LRBA: variants seen among roughly 807,000 people sequenced by gnomAD.
LRBA encodes LPS responsive beige-like anchor protein.
LRBA carries 176 observed loss-of-function variants against 330.0 expected under a neutral mutation model. The ratio of observed to expected loss-of-function variants is 0.53; its 90% CI spans 0.47 to 0.60. The LOEUF is 0.60. LRBA is among the 20% of genes least tolerant of loss of function. The pLI is 0.00. For missense variants in LRBA, 3,259 were observed against 3,444.8 expected, an observed-to-expected ratio of 0.95 and a Z score of 1.35; for synonymous variants, 1,230 against 1,193.0, an observed-to-expected ratio of 1.03 and a Z score of -0.64.
intron 29 of LRBA, among the ~76,000 whole-genome samples, chr4:150,830,326 ATTTCTGATCTACCTTGC>A (rs1352556335): frequency 1.2e-4 from 18 of 152,296 alleles, no homozygotes; most frequent in African/African-American, 4.3e-4. Context: ...AGTGTGGCTT[ATTTCTGATCTACCTTGC>A]TGGAAAGAAC....
chr4:150,901,306 A>T lies in LRBA; in HGVS notation c.1756-1089T>A, dbSNP rs567528223. ...AGAGACCCTGCCTCAAAAAAAACAAATTTTTTTTCAGTGAAATTATGGGTC... is the reference window on the plus strand; with the variant it reads ...AGAGACCCTGCCTCAAAAAAAACAATTTTTTTTTCAGTGAAATTATGGGTC... On this transcript the variant is annotated intron_variant, in intron 13 of 56. Coordinates refer to ENST00000651943, the MANE Select transcript of LRBA (RefSeq NM_001364905.1). Among the ~76,000 whole-genome samples the T allele has an allele frequency of 1.2e-3, 185 of 151,878 alleles. 3 individuals carry two copies. Among genetic ancestry groups the T allele is most frequent in the African/African-American group, 4.2e-3 (174 of 41,340 alleles).
chr4:150,517,147 ACACT>A (rs1371398951), intron 40 of LRBA, among the ~76,000 whole-genome samples: 4 of 152,174 alleles, frequency 2.6e-5, no homozygotes, highest in African/African-American at 9.7e-5. Flanking sequence ...TAAATCAATG[ACACT>A]CACTCCCTAC....
At chr4:150,589,020 C>A (rs1287349640) in intron 39 of LRBA, among the ~76,000 whole-genome samples, 1 of 148,148 alleles carries the variant, frequency 6.8e-6, no homozygotes. Context: ...ATATATATGT[C>A]TGTTATGTCT....
chr4:150,813,218 A>G (rs1744046161), intron 31 of LRBA, among the ~76,000 whole-genome samples: 1 of 151,758 alleles, frequency 6.6e-6, no homozygotes, highest in Non-Finnish European at 1.5e-5. Context: ...AGGATACTGT[A>G]TTCTAGGTAA....
chr4:150,724,145 G>C (rs952098699), intron 36 of LRBA, among the ~76,000 whole-genome samples: 2 of 152,176 alleles, frequency 1.3e-5, no homozygotes, highest in Admixed American at 1.3e-4. Flanking sequence ...GCCCTGAAGG[G>C]AAGAAACTGG....
chr4:150,546,418 C>CA (rs1415839980), intron 40 of LRBA, among the ~76,000 whole-genome samples: 10 of 152,226 alleles, frequency 6.6e-5, no homozygotes, highest in Non-Finnish European at 1.2e-4. Flanking sequence ...CTCCACTCTG[C>CA]AAAGCCCTTT....
chr4:150,576,163 T>TAAA (rs776085076), intron 40 of LRBA, among the ~76,000 whole-genome samples: 8 of 58,294 alleles, frequency 1.4e-4, no homozygotes, highest in African/African-American at 3.2e-4. Context: ...AAACTGGTTT[T>TAAA]TAAAAAAAAA....
chr4:150,681,996 A>G (rs1275068914), intron 37 of LRBA, among the ~76,000 whole-genome samples: 5 of 152,220 alleles, frequency 3.3e-5, no homozygotes, highest in Non-Finnish European at 5.9e-5. Context: ...ATACAAAGGT[A>G]CAGCTATCAA....
In LRBA at chr4:150,928,564, G is replaced by A. The variant is rs763929621; in HGVS notation, c.501C>T (p.Arg167=). The stretch of plus-strand genomic sequence containing the variant: ...GTTTACTGAAGAAAAGCTTTAGCTC[G>A]CGAACTGTCAAATTATAGCTAGCCA... ...GVLASYNLTV[R]ELKLFFSKLQ... The change falls in exon 4 of 57, where the codon CGC becomes CGT. Residue 167 remains arginine (R), a synonymous_variant. Coordinates refer to ENST00000651943, the MANE Select transcript of LRBA (RefSeq NM_001364905.1). The A allele has an allele frequency of 9.9e-6, 16 of 1,613,546 alleles. No homozygotes were observed. The highest frequency in any genetic ancestry group is 5.5e-5 in the South Asian group (5 of 91,042).
chr4:150,763,392 G>A (rs1735358539), intron 34 of LRBA, among the ~76,000 whole-genome samples: 1 of 151,728 alleles, frequency 6.6e-6, no homozygotes, highest in Non-Finnish European at 1.5e-5. Flanking sequence ...ACTTGTAATT[G>A]TACAATATAT....
chr4:150,342,471 G>A (rs1264704805), intron 48 of LRBA, among the ~76,000 whole-genome samples: 2 of 152,070 alleles, frequency 1.3e-5, no homozygotes, highest in Admixed American at 6.6e-5. Context: ...ATATTTGTCC[G>A]AAAAAGAATT....
At chr4:150,940,145 T>C (rs1254288850) in intron 2 of LRBA, among the ~76,000 whole-genome samples, 1 of 151,848 alleles carries the variant, frequency 6.6e-6, no homozygotes, top group African/African-American at 2.4e-5. Flanking sequence ...GGCTTATGCC[T>C]GTAATCTCAG....
intron 42 of LRBA, among the ~76,000 whole-genome samples, chr4:150,474,950 T>C (rs182238669): frequency 9.2e-5 from 14 of 152,298 alleles, no homozygotes; most frequent in Admixed American, 9.2e-4. Context: ...TTTGTCACTT[T>C]GTGGAAATTT....
rs1004708684 is a variant in LRBA at position 150,713,981 on chromosome 4, G to T, written c.5754+21277C>A. Among the ~76,000 whole-genome samples the T allele has an allele frequency of 1.6e-4, 25 of 152,144 alleles. 1 individual carries two copies. Among genetic ancestry groups the T allele is most frequent in the Non-Finnish European group, 3.2e-4 (22 of 68,014 alleles). ...ACAAAAATATTCAATTAGTTTGTGAGCCAGTCTGATAGTTTAGAGGTGTGC... is the reference window on the plus strand; with the variant it reads ...ACAAAAATATTCAATTAGTTTGTGATCCAGTCTGATAGTTTAGAGGTGTGC... On this transcript the variant is annotated intron_variant, in intron 36 of 56. Transcript: ENST00000651943.
chr4:150,374,086 C>T (rs1318573408), intron 47 of LRBA, among the ~76,000 whole-genome samples: 1 of 152,194 alleles, frequency 6.6e-6, no homozygotes, highest in East Asian at 1.9e-4. Context: ...TTCACTCCTT[C>T]ACTCAATTCC....
At chr4:150,835,031 A>G (rs1199234509) in intron 28 of LRBA, among the ~76,000 whole-genome samples, 1 of 152,172 alleles carries the variant, frequency 6.6e-6, no homozygotes, top group Non-Finnish European at 1.5e-5. Flanking sequence ...ATGGCTAGCT[A>G]GTTTTCCCAG....
intron 37 of LRBA, among the ~76,000 whole-genome samples, chr4:150,628,490 T>C (rs1403156584): frequency 6.6e-6 from 1 of 152,234 alleles, no homozygotes; most frequent in African/African-American, 2.4e-5. Flanking sequence ...ATAATGTATA[T>C]GTTATACCAA....
At chr4:150,615,432 G>A (rs933081307) in intron 37 of LRBA, among the ~76,000 whole-genome samples, 1 of 151,854 alleles carries the variant, frequency 6.6e-6, no homozygotes, top group African/African-American at 2.4e-5. Flanking sequence ...AGAGAGAGAC[G>A]ATGTCTGGGA....
intron 47 of LRBA, among the ~76,000 whole-genome samples, chr4:150,366,209 C>T (rs1739448348): frequency 1.3e-5 from 2 of 151,914 alleles, no homozygotes; most frequent in Admixed American, 1.3e-4. Flanking sequence ...TCAGACAACC[C>T]CTATGATAGC....
Sources: allele counts gnomAD v4.1 joint callset (sites outside exome capture counted in the v4.1 genomes callset), GRCh38; gene constraint gnomAD v4.1.1; transcripts MANE v1.5; gene names NCBI Gene and HGNC (gene_info 2026-07-23, HGNC 2026-07-21).